The following SYTL5 variants were observed in gnomAD, a reference collection of about 807,000 sequenced individuals.
SYTL5 encodes synaptotagmin like 5, also known as synaptotagmin-like protein 5.
A neutral mutation model predicts 55.9 loss-of-function variants in SYTL5; 34 were observed. The ratio of observed to expected loss-of-function variants is 0.61; its 90% confidence interval spans 0.46 to 0.81. SYTL5 has a LOEUF of 0.81. Among genes scored for constraint, SYTL5 ranks in the 30% least tolerant of loss-of-function variants. SYTL5 has a pLI of 0.00. For synonymous variants in SYTL5, 221 were observed against 188.7 expected (o/e 1.17, Z -1.40); for missense variants, 637 against 546.7 (o/e 1.17, Z -1.65).
rs989202130 is a variant in SYTL5, at chrX:38,045,867, G to A, written c.120-8346G>A. ...CTCTTGGGGAATATTTGTCATGAGA[G>A]ACTTTGTGATAAGATCCAGTTTGGG... On this transcript the variant is annotated intron_variant, in intron 2 of 16. Coordinates refer to ENST00000297875, the MANE Select transcript of SYTL5 (RefSeq NM_138780.3). Among the ~76,000 whole-genome samples the A allele has an allele frequency of 3.6e-5, 4 of 111,804 alleles. No individual in the cohort carries two copies. In the South Asian group the frequency reaches 1.1e-3, roughly 31 times the overall value.
At chrX:37,957,252 C>G in the SYTL5 span, among the ~76,000 whole-genome samples, 1 of 110,967 alleles carries the variant, frequency 9.0e-6, no homozygotes, top group Admixed American at 9.6e-5. Flanking sequence ...TCTGTTGTTT[C>G]CTTTTCTGTG....
chrX:38,071,466 C>T (rs1208180290), intron 3 of SYTL5, among the ~76,000 whole-genome samples: 4 of 111,850 alleles, frequency 3.6e-5, no homozygotes, highest in African/African-American at 6.5e-5. Flanking sequence ...CATCTGTCTC[C>T]TGGACTATTA....
the SYTL5 span, among the ~76,000 whole-genome samples, chrX:37,950,514 G>A: frequency 4.5e-5 from 5 of 110,832 alleles, no homozygotes; most frequent in Admixed American, 2.9e-4. Context: ...TTACTTTTCC[G>A]AAGGTTTGAT....
chrX:37,952,763 AAG>A, the SYTL5 span, among the ~76,000 whole-genome samples: 1 of 111,435 alleles, frequency 9.0e-6, no homozygotes, highest in Non-Finnish European at 1.9e-5. Flanking sequence ...GCAGCTGGAA[AAG>A]AGAGAAAATG....
At chrX:38,034,100 T>C (rs1217106913) in intron 2 of SYTL5, 92 bp downstream of exon 2, 22 of 420,604 alleles carry the variant, frequency 5.2e-5, no homozygotes, top group Non-Finnish European at 8.5e-5. Context: ...GCAACCACAA[T>C]GGGGACAGAT....
chrX:37,991,367 A>G, the SYTL5 span: 3 of 835,680 alleles, frequency 3.6e-6, no homozygotes, highest in Non-Finnish European at 4.9e-6. Context: ...AGGTGTCTGT[A>G]AGACATCCAG....
intron 6 of SYTL5, among the ~76,000 whole-genome samples, chrX:38,077,891 G>A (rs887070822): frequency 9.0e-6 from 1 of 111,287 alleles, no homozygotes; most frequent in Non-Finnish European, 1.9e-5. Flanking sequence ...ATTTTGGCTG[G>A]GCACAGTGGC....
chrX:37,980,199 G>A, the SYTL5 span, among the ~76,000 whole-genome samples: 1 of 112,085 alleles, frequency 8.9e-6, no homozygotes, highest in East Asian at 2.8e-4. Flanking sequence ...ACATAATGAA[G>A]TGTTTTTCAG....
At chrX:38,001,489 C>T in the SYTL5 span, among the ~76,000 whole-genome samples, 1 of 111,699 alleles carries the variant, frequency 9.0e-6, no homozygotes, top group South Asian at 3.8e-4. Flanking sequence ...TTTCTACCCT[C>T]TGTTCTCACG....
chrX:38,104,513 G>C (rs1937158804), intron 10 of SYTL5, among the ~76,000 whole-genome samples: 1 of 112,072 alleles, frequency 8.9e-6, no homozygotes, highest in African/African-American at 3.2e-5. Flanking sequence ...TCTTTAAGCT[G>C]TAATTTCCAA....
intron 13 of SYTL5, among the ~76,000 whole-genome samples, chrX:38,111,279 A>C (rs151224910): frequency 0.041 from 4,614 of 111,775 alleles, 244 homozygotes; most frequent in African/African-American, 0.14. Flanking sequence ...CAAATTATTT[A>C]ACTTTTTATT....
At chrX:38,067,711 G>A (rs1164307165) in intron 3 of SYTL5, among the ~76,000 whole-genome samples, 1 of 111,318 alleles carries the variant, frequency 9.0e-6, no homozygotes, top group Non-Finnish European at 1.9e-5. Flanking sequence ...TTAATAAATG[G>A]TGCTGGAATA....
the SYTL5 span, among the ~76,000 whole-genome samples, chrX:37,921,047 C>T: frequency 9.0e-6 from 1 of 111,210 alleles, no homozygotes; most frequent in Admixed American, 9.6e-5. Context: ...CAATTTTCTC[C>T]TTGTGCTTTC....
chrX:38,085,526 C>T (rs759077663), intron 6 of SYTL5, among the ~76,000 whole-genome samples: 120 of 112,260 alleles, frequency 1.1e-3, no homozygotes, highest in African/African-American at 3.5e-3. Context: ...CTAACTGCAA[C>T]CTTCCTTGGC....
At chrX:38,018,916 G>A (rs1278250545) in intron 1 of SYTL5, among the ~76,000 whole-genome samples, 1 of 111,717 alleles carries the variant, frequency 9.0e-6, no homozygotes, top group African/African-American at 3.3e-5. Context: ...ACTTCTGCAA[G>A]AGCCTCCTCA....
At chrX:37,953,515 ACTCT>A in the SYTL5 span, among the ~76,000 whole-genome samples, 6 of 110,146 alleles carry the variant, frequency 5.4e-5, no homozygotes, top group Non-Finnish European at 9.5e-5. Flanking sequence ...TTTCCCTCAG[ACTCT>A]CTGTTTTTTT....
chrX:38,005,689 A>C (rs192923381), upstream of SYTL5, among the ~76,000 whole-genome samples: 1 of 111,332 alleles, frequency 9.0e-6, no homozygotes, highest in African/African-American at 3.3e-5. Flanking sequence ...AATGGAACAA[A>C]ACATGTATCT....
chrX:38,120,219 C>T lies in SYTL5; in HGVS notation c.1597-139C>T, dbSNP rs188263664. On this transcript the variant is annotated intron_variant, in intron 13 of 16. Coordinates refer to ENST00000297875, the MANE Select transcript of SYTL5 (RefSeq NM_138780.3). ...CTCTTACCTCAGTCATCTCTTAAAC[C>T]AGTGAGAGCGAACAGAGTTGAAATG... 8 of 443,309 alleles carry T rather than the reference C, an allele frequency of 1.8e-5. No homozygotes were observed. The East Asian group carries it at 2.2e-4, about 12-fold the overall frequency. The allele number at this position is 443,309 out of a possible 1,213,427, so 36.5% of individuals were successfully genotyped here. A position where few individuals can be genotyped will look rare whatever the true frequency, so the allele number is the denominator to read the frequency against.
intron 2 of SYTL5, among the ~76,000 whole-genome samples, chrX:38,051,399 A>G (rs1192168165): frequency 8.9e-6 from 1 of 112,113 alleles, no homozygotes; most frequent in Non-Finnish European, 1.9e-5. Flanking sequence ...AATTGAAAGT[A>G]GGGACACCTA....
Sources: allele counts gnomAD v4.1 joint callset (sites outside exome capture counted in the v4.1 genomes callset), GRCh38; gene constraint gnomAD v4.1.1; transcripts MANE v1.5; gene names NCBI Gene and HGNC (gene_info 2026-07-23, HGNC 2026-07-21).